VWA2: variants seen among roughly 807,000 people sequenced by gnomAD.
The protein encoded by VWA2 is von Willebrand factor A domain containing 2.
A neutral mutation model predicts 70.4 loss-of-function variants in VWA2; 73 were observed. The observed-to-expected ratio is 1.04, with a 90% CI of 0.86 to 1.26. VWA2 has a LOEUF of 1.26. VWA2 is among the 50% of genes most tolerant of loss of function. The pLI is 0.00. For synonymous variants in VWA2, 407 were observed against 423.3 expected (o/e 0.96, Z 0.47); for missense variants, 1,011 against 998.5 (o/e 1.01, Z -0.17).
intron 4 of VWA2, 98 bp downstream of exon 4, chr10:114,255,146 A>C (rs2037296536): frequency 6.7e-7 from 1 of 1,484,318 alleles, no homozygotes; most frequent in Non-Finnish European, 9.2e-7. Context: ...TCGCTTGTGG[A>C]GCTGGGAAGA....
chr10:114,275,229 C>T (rs1246432003), intron 6 of VWA2, among the ~76,000 whole-genome samples: 2 of 152,108 alleles, frequency 1.3e-5, no homozygotes, highest in Admixed American at 1.3e-4. Flanking sequence ...GTGGGGACAT[C>T]CAGGATTGTG....
chr10:114,241,822 A>G (rs375838139), intron 1 of VWA2, among the ~76,000 whole-genome samples: 1 of 152,072 alleles, frequency 6.6e-6, no homozygotes, highest in Non-Finnish European at 1.5e-5. Flanking sequence ...ATGAAAACCT[A>G]GTTTAATTGG....
At chr10:114,281,949 G>C (rs1405580891) in intron 8 of VWA2, among the ~76,000 whole-genome samples, 2 of 151,610 alleles carry the variant, frequency 1.3e-5, no homozygotes, top group African/African-American at 2.4e-5. Context: ...ATAAAAAGCT[G>C]TTGCTACAGT....
chr10:114,277,938 CA>C lies in VWA2; in HGVS notation c.592del (p.Ser198AlafsTer87), dbSNP rs761349701. 1 of 1,610,592 alleles carries C rather than the reference CA, an allele frequency of 6.2e-7. No individual in the cohort carries two copies. The highest frequency in any genetic ancestry group is 2.2e-5 in the East Asian group (1 of 44,774). The part of the protein sequence containing the change: ...PRWEELHALA[S>X]EPRGQHVLLA... Reference sequence around the variant, plus strand: ...GGTGGGAGGAGCTGCATGCACTGGCCAGCGAGCCTAGAGGGCAGCACGTGCT... The same window carrying C: ...GGTGGGAGGAGCTGCATGCACTGGCCGCGAGCCTAGAGGGCAGCACGTGCT... On this transcript the variant is annotated frameshift_variant, in exon 7 of 14. Coordinates refer to ENST00000392982, the MANE Select transcript of VWA2 (RefSeq NM_001272046.2). LOFTEE classifies it high-confidence loss of function.
At chr10:114,262,775 C>G (rs984537580) in intron 5 of VWA2, among the ~76,000 whole-genome samples, 1 of 152,196 alleles carries the variant, frequency 6.6e-6, no homozygotes, top group African/African-American at 2.4e-5. Context: ...ACAGATCAAG[C>G]GGCAAGTCAT....
At chr10:114,275,621 C>T (rs889901600) in intron 6 of VWA2, among the ~76,000 whole-genome samples, 2 of 152,098 alleles carry the variant, frequency 1.3e-5, no homozygotes, top group African/African-American at 4.8e-5. Context: ...GGACTGATAA[C>T]TTTTTAAAAA....
intron 4 of VWA2, among the ~76,000 whole-genome samples, chr10:114,255,805 C>T (rs2037314997): frequency 6.6e-6 from 1 of 151,374 alleles, no homozygotes; most frequent in African/African-American, 2.4e-5. Flanking sequence ...GAAAAATGGG[C>T]AAGGAACACA....
Position 114,286,266 on chromosome 10 carries a change from A to AGGACC in VWA2, c.1328_1332dup (p.Pro445ThrfsTer36). 6.2e-7 allele frequency: 1 copy of AGGACC among 1,611,752 alleles called. No individual in the cohort carries two copies. The highest frequency in any genetic ancestry group is 8.5e-7 in the Non-Finnish European group (1 of 1,178,542). On this transcript the variant is annotated frameshift_variant, in exon 11 of 14. Coordinates refer to ENST00000392982, the MANE Select transcript of VWA2 (RefSeq NM_001272046.2). LOFTEE classifies it high-confidence loss of function. ...TTCGGGAGCGCCACCAGGACAGGCC[A>AGGACC]GGACCGGCCACGTAGAGTGGTGGTT...
At position 114,286,512 on chromosome 10, in the gene VWA2, G is replaced by GT; in HGVS notation, c.1570+2dup. On this transcript the variant is annotated splice_donor_variant, in intron 11 of 13. Transcript: ENST00000392982. LOFTEE classifies it high-confidence loss of function. ...AAGCTGTGCAGCCGGCAGCGGCCAG[G>GT]TAAGGTCCCAGTGCCTGACCCAGGA... The GT allele has an allele frequency of 6.4e-7, 1 of 1,559,794 alleles. No homozygotes were observed.
intron 6 of VWA2, among the ~76,000 whole-genome samples, chr10:114,274,133 C>T (rs76468627): frequency 0.059 from 9,007 of 152,172 alleles, 319 homozygotes; most frequent in Non-Finnish European, 0.079. Flanking sequence ...AACAGCCAGA[C>T]GGCCAGGGAG....
chr10:114,242,377 T>C (rs941175578), intron 1 of VWA2, among the ~76,000 whole-genome samples: 6 of 152,212 alleles, frequency 3.9e-5, no homozygotes, highest in Admixed American at 3.9e-4. Flanking sequence ...TGCCATCAGA[T>C]GGTTGCTCTT....
intron 4 of VWA2, among the ~76,000 whole-genome samples, chr10:114,257,197 G>A (rs1295872200): frequency 6.6e-6 from 1 of 152,068 alleles, no homozygotes; most frequent in African/African-American, 2.4e-5. Flanking sequence ...TTTAATCTAG[G>A]CACAAGCAGC....
chr10:114,263,328 A>ATTTTTTTT (rs35723083), intron 5 of VWA2, among the ~76,000 whole-genome samples: 12 of 76,148 alleles, frequency 1.6e-4, no homozygotes, highest in African/African-American at 2.8e-4. Context: ...AATCTCCCCC[A>ATTTTTTTT]TTTTTTTTTT....
chr10:114,267,922 C>CT (rs1171170346), intron 5 of VWA2, among the ~76,000 whole-genome samples: 1 of 152,080 alleles, frequency 6.6e-6, no homozygotes, highest in Non-Finnish European at 1.5e-5. Context: ...ATTAAGTCTC[C>CT]TGAGAGATTT....
At position 114,261,211 on chromosome 10, in the gene VWA2, G is replaced by T; in HGVS notation, c.287G>T (p.Ser96Ile). The T allele has an allele frequency of 1.2e-6, 2 of 1,614,098 alleles. No homozygotes were observed. The highest frequency in any genetic ancestry group is 1.3e-5 in the African/African-American group (1 of 75,042). The part of the protein sequence containing the change: ...ERVRVGAFQF[S>I]STPHLEFPLD... ...GTCAGAGTGGGAGCATTCCAGTTCA[G>T]TTCCACTCCTCATCTGGAATTCCCC... is the stretch of plus-strand genomic sequence containing the variant. The change falls in exon 5 of 14, where the codon AGT becomes ATT. Residue 96 changes from serine to isoleucine, a missense_variant. By Grantham distance (142) the Ser-to-Ile change is moderately radical. Transcript: ENST00000392982.
At chr10:114,243,533 C>G (rs2037010423) in intron 1 of VWA2, among the ~76,000 whole-genome samples, 1 of 152,156 alleles carries the variant, frequency 6.6e-6, no homozygotes, top group Admixed American at 6.5e-5. Context: ...CAGGTGTGTA[C>G]TGTTCTGGTA....
At chr10:114,246,666 A>G (rs1439151791) in intron 1 of VWA2, 2 of 1,556,170 alleles carry the variant, frequency 1.3e-6, no homozygotes, top group East Asian at 2.2e-5. Flanking sequence ...CAGCAAATTC[A>G]TCAAAACCAT....
chr10:114,286,180 TC>T lies in VWA2; in HGVS notation c.1242del (p.Phe415SerfsTer7), dbSNP rs768329678. On this transcript the variant is annotated frameshift_variant, in exon 11 of 14. Coordinates refer to ENST00000392982, the MANE Select transcript of VWA2 (RefSeq NM_001272046.2). LOFTEE classifies it high-confidence loss of function. ...ACCTGGTCTGGAGCCTCGATGGCAT[TC>T]CCTTCCGTGGTGGCCCCACCCTGAC... ...PDLVWSLDGI[P>X]FRGGPTLTGS... The T allele has an allele frequency of 8.3e-5, 134 of 1,613,898 alleles. No individual in the cohort carries two copies. Among genetic ancestry groups the T allele is most frequent in the South Asian group, 1.9e-4 (17 of 91,088 alleles).
chr10:114,281,696 G>A, intron 8 of VWA2: 4 of 981,882 alleles, frequency 4.1e-6, no homozygotes, highest in Non-Finnish European at 4.8e-6. Flanking sequence ...GCACACCTGG[G>A]GTGGAGGGGC....
Sources: gnomAD v4.1 joint callset for allele counts (sites outside exome capture counted in the v4.1 genomes callset) on GRCh38, gnomAD v4.1.1 for gene constraint, MANE v1.5 for transcripts, NCBI Gene and HGNC (gene_info 2026-07-23, HGNC 2026-07-21) for gene names.